Variants in RPH3AL observed in about 807,000 individuals in gnomAD.
The protein encoded by RPH3AL is rabphilin 3A like (without C2 domains), also known as rab effector Noc2.
In RPH3AL, 38 loss-of-function variants were observed where a neutral mutation model predicts 43.1. The ratio of observed to expected loss-of-function variants is 0.88; its 90% CI spans 0.68 to 1.15. The LOEUF is 1.15. Ranked by LOEUF, RPH3AL falls within the 50% of genes most tolerant of loss-of-function variation. RPH3AL has a pLI of 0.00. For synonymous variants in RPH3AL, 189 were observed against 176.3 expected (o/e 1.07, Z -0.57); for missense variants, 462 against 423.2 (o/e 1.09, Z -0.81).
chr17:224,819 A>G (rs910440567), intron 7 of RPH3AL, among the ~76,000 whole-genome samples: 1 of 152,162 alleles, frequency 6.6e-6, no homozygotes, highest in African/African-American at 2.4e-5. Context: ...TTGTAGGGAC[A>G]TGGATGAAGC....
chr17:292,154 C>A (rs546758987), intron 5 of RPH3AL, among the ~76,000 whole-genome samples: 137 of 152,294 alleles, frequency 9.0e-4, no homozygotes, highest in Middle Eastern at 6.8e-3. Context: ...TGTGCACCCC[C>A]ACAGCGGGTC....
chr17:307,399 C>T (rs1158248842), intron 5 of RPH3AL, among the ~76,000 whole-genome samples: 4 of 151,758 alleles, frequency 2.6e-5, no homozygotes, highest in African/African-American at 4.8e-5. Flanking sequence ...CATCCCGCGG[C>T]AGGTCCTCCC....
chr17:275,692 G>A (rs144159844), intron 6 of RPH3AL, among the ~76,000 whole-genome samples: 73 of 152,240 alleles, frequency 4.8e-4, no homozygotes, highest in African/African-American at 1.3e-3. Context: ...GGCTACAGGC[G>A]TGTGCCACTA....
intron 5 of RPH3AL, among the ~76,000 whole-genome samples, chr17:314,626 C>T (rs2043822960): frequency 1.7e-5 from 2 of 119,356 alleles, no homozygotes; most frequent in South Asian, 5.1e-4. Flanking sequence ...TGTGCCCCAC[C>T]TCCATTGACC....
At chr17:284,335 T>G (rs1281436825) in intron 5 of RPH3AL, among the ~76,000 whole-genome samples, 1 of 152,192 alleles carries the variant, frequency 6.6e-6, no homozygotes, top group Admixed American at 6.5e-5. Context: ...AGAATTTTTG[T>G]TCAGACCTCA....
intron 3 of RPH3AL, among the ~76,000 whole-genome samples, chr17:324,075 C>G (rs2044551648): frequency 1.3e-5 from 2 of 152,230 alleles, no homozygotes. Context: ...CGAGGCAGGC[C>G]CGGACCCTGA....
chr17:229,558 C>T (rs1439710419), intron 7 of RPH3AL, among the ~76,000 whole-genome samples: 4 of 152,190 alleles, frequency 2.6e-5, no homozygotes, highest in African/African-American at 7.2e-5. Context: ...TGAGCCACGA[C>T]GGAGGGACCT....
intron 5 of RPH3AL, among the ~76,000 whole-genome samples, chr17:315,877 C>T (rs1598103189): frequency 6.6e-6 from 1 of 150,392 alleles, no homozygotes; most frequent in Non-Finnish European, 1.5e-5. Context: ...CCCCCACCTC[C>T]ATTGACCTGT....
intron 5 of RPH3AL, among the ~76,000 whole-genome samples, chr17:308,988 T>G (rs1336986866): frequency 6.6e-6 from 1 of 152,178 alleles, no homozygotes; most frequent in Non-Finnish European, 1.5e-5. Context: ...ACTGGAGGAC[T>G]GGCTGCTGGG....
At chr17:253,110 A>T (rs958127757) in intron 6 of RPH3AL, among the ~76,000 whole-genome samples, 1 of 152,156 alleles carries the variant, frequency 6.6e-6, no homozygotes, top group Non-Finnish European at 1.5e-5. Context: ...GAAGGTTCCC[A>T]GGGAACCACG....
chr17:316,493 C>T (rs1182716043), intron 5 of RPH3AL, among the ~76,000 whole-genome samples: 1 of 150,660 alleles, frequency 6.6e-6, no homozygotes, highest in South Asian at 2.1e-4. Flanking sequence ...CCTCCACTGA[C>T]CTGTAGTCTC....
At chr17:332,838 C>A (rs1401642704) in intron 2 of RPH3AL, 2 of 411,848 alleles carry the variant, frequency 4.9e-6, no homozygotes, top group African/African-American at 2.1e-5. Flanking sequence ...GCGACACACG[C>A]TGAGCAGAGG....
In RPH3AL at chr17:328,630, C is replaced by G. The variant is rs1008546920; in HGVS notation, c.-36-1051G>C. The stretch of plus-strand genomic sequence containing the variant: ...CGTTCTTAGCAGCACTATTCATGAC[C>G]GCCAAAAGCAGAAACAACGAAAATA... On this transcript the variant is annotated intron_variant, in intron 2 of 9. Transcript: ENST00000331302. The surrounding 1 kb of genome is among the most constrained non-coding windows in gnomAD (Gnocchi z 4.2). Among the ~76,000 whole-genome samples the G allele has an allele frequency of 6.6e-6, 1 of 152,022 alleles. No individual in the cohort carries two copies. Among genetic ancestry groups the G allele is most frequent in the African/African-American group, 2.4e-5 (1 of 41,374 alleles).
At chr17:261,722 G>A (rs1172276634) in intron 6 of RPH3AL, 2 of 152,164 alleles carry the variant, frequency 1.3e-5, no homozygotes, top group African/African-American at 4.8e-5. Context: ...AAACTCATAA[G>A]GACGCTGAGT....
At chr17:234,882 A>G (rs2041326119) in intron 7 of RPH3AL, among the ~76,000 whole-genome samples, 1 of 152,248 alleles carries the variant, frequency 6.6e-6, no homozygotes, top group Non-Finnish European at 1.5e-5. Flanking sequence ...GCGGCATAGC[A>G]GCAGCTGGCT....
intron 3 of RPH3AL, among the ~76,000 whole-genome samples, chr17:324,138 G>C (rs1437898786): frequency 6.6e-6 from 1 of 152,192 alleles, no homozygotes; most frequent in African/African-American, 2.4e-5. Context: ...TAGCTAGCTA[G>C]CAGGAATCTC....
Position 322,267 on chromosome 17 carries a change from G to C in RPH3AL, c.78-852C>G, listed in dbSNP as rs1480083679. ...CCTTCTATTTTTCTGGACAGGGAGAGAGTGGCAGCAGCAGATCAAACCCCG... is the reference window on the plus strand; with the variant it reads ...CCTTCTATTTTTCTGGACAGGGAGACAGTGGCAGCAGCAGATCAAACCCCG... On this transcript the variant is annotated intron_variant, in intron 3 of 9. Transcript: ENST00000331302. The surrounding 1 kb of genome is among the most constrained non-coding windows in gnomAD (Gnocchi z 4.0). The C allele has an allele frequency of 6.6e-6, 1 of 152,386 alleles. No homozygotes were observed. The highest frequency in any genetic ancestry group is 2.4e-5 in the African/African-American group (1 of 41,450). 9.4% of individuals were successfully genotyped at this position (152,386 alleles called of 1,614,324 possible). A position where few individuals can be genotyped will look rare whatever the true frequency, so the allele number is the denominator to read the frequency against.
intron 6 of RPH3AL, among the ~76,000 whole-genome samples, chr17:262,341 G>GCAA (rs1567594882): frequency 3.9e-5 from 6 of 152,048 alleles, no homozygotes; most frequent in Admixed American, 1.3e-4. Context: ...TCAGCCTCCT[G>GCAA]AGTAGCTGGG....
intron 5 of RPH3AL, among the ~76,000 whole-genome samples, chr17:309,583 A>ACGTCCCCCGTCCAG (rs1567636242): frequency 8.4e-5 from 2 of 23,780 alleles, no homozygotes; most frequent in African/African-American, 2.5e-4. Flanking sequence ...GCCCTGCCCC[A>ACGTCCCCCGTCCAG]GGCTCCTGCC....
Sources: allele counts gnomAD v4.1 joint callset (sites outside exome capture counted in the v4.1 genomes callset), GRCh38; gene constraint gnomAD v4.1.1; non-coding constraint Gnocchi (gnomAD v3.1); transcripts MANE v1.5; gene names NCBI Gene and HGNC (gene_info 2026-07-23, HGNC 2026-07-21).